The following C8orf34 variants were observed in gnomAD, a reference collection of about 807,000 sequenced individuals.
C8orf34 encodes uncharacterized protein C8orf34.
C8orf34 carries 65 observed loss-of-function variants against 68.3 expected under a neutral mutation model. The observed-to-expected ratio is 0.95, with a 90% confidence interval of 0.78 to 1.17. The LOEUF is 1.17. C8orf34 is among the 50% of genes most tolerant of loss of function. C8orf34 has a pLI of 0.00. For synonymous variants in C8orf34, 244 were observed against 241.2 expected (o/e 1.01, Z -0.11); for missense variants, 664 against 655.4 (o/e 1.01, Z -0.14).
At chr8:68,388,291 A>C (rs1808343317) in intron 1 of C8orf34, among the ~76,000 whole-genome samples, 1 of 152,160 alleles carries the variant, frequency 6.6e-6, no homozygotes, top group Non-Finnish European at 1.5e-5. Flanking sequence ...TAAGCTGTTT[A>C]GTCTCTGTGT....
chr8:68,394,022 G>T (rs1389336287), intron 1 of C8orf34, among the ~76,000 whole-genome samples: 1 of 152,054 alleles, frequency 6.6e-6, no homozygotes, highest in Non-Finnish European at 1.5e-5. Context: ...ACCTTTGGGG[G>T]CTTCGAGTGG....
At chr8:68,730,625 T>C (rs981156872) in intron 10 of C8orf34, among the ~76,000 whole-genome samples, 1 of 152,202 alleles carries the variant, frequency 6.6e-6, no homozygotes, top group African/African-American at 2.4e-5. Context: ...TAAAGTGTGA[T>C]CTAATAAATG....
intron 9 of C8orf34, among the ~76,000 whole-genome samples, chr8:68,709,687 C>T (rs561984617): frequency 1.3e-4 from 20 of 152,234 alleles, no homozygotes; most frequent in African/African-American, 4.8e-4. Flanking sequence ...TCTTGGCCCT[C>T]CTCGGACTAT....
At position 68,352,109 on chromosome 8, in the gene C8orf34, A is replaced by AT. The variant is rs139862460; in HGVS notation, c.327+20777dup. ...TGAATAACATTCCTTTCTCAGATAC[A>AT]TTTTTTTGCAAATATTTTCTCCTAC... On this transcript the variant is annotated intron_variant, in intron 1 of 13. Coordinates refer to ENST00000518698, the MANE Select transcript of C8orf34 (RefSeq NM_052958.4). Among the ~76,000 whole-genome samples the AT allele has an allele frequency of 2.9e-3, 433 of 151,794 alleles. 5 individuals carry two copies. Among genetic ancestry groups the AT allele is most frequent in the African/African-American group, 1.0e-2 (412 of 41,402 alleles).
At chr8:68,491,492 T>C (rs997732285) in intron 5 of C8orf34, among the ~76,000 whole-genome samples, 1 of 152,146 alleles carries the variant, frequency 6.6e-6, no homozygotes, top group Admixed American at 6.5e-5. Context: ...TTTTCAAGCT[T>C]CTAGGGCTGC....
chr8:68,440,953 C>T (rs995004598), intron 2 of C8orf34, among the ~76,000 whole-genome samples: 4 of 151,996 alleles, frequency 2.6e-5, no homozygotes, highest in South Asian at 2.1e-4. Flanking sequence ...TACAGGCACC[C>T]GCCACCATAC....
chr8:68,359,065 A>G (rs1462278800), intron 1 of C8orf34, among the ~76,000 whole-genome samples: 2 of 152,284 alleles, frequency 1.3e-5, no homozygotes, highest in Middle Eastern at 3.4e-3. Flanking sequence ...TATTTCTCTT[A>G]CCAAACATTA....
chr8:68,663,648 A>C (rs927740731), intron 8 of C8orf34, among the ~76,000 whole-genome samples: 2 of 152,228 alleles, frequency 1.3e-5, no homozygotes, highest in Non-Finnish European at 2.9e-5. Context: ...GTTTGAAATC[A>C]GGATACTTAG....
intron 3 of C8orf34, among the ~76,000 whole-genome samples, chr8:68,458,683 C>T (rs2129628471): frequency 6.6e-6 from 1 of 152,290 alleles, no homozygotes; most frequent in East Asian, 1.9e-4. Context: ...AACCTAGGTT[C>T]CTCCATAGGC....
chr8:68,747,674 T>A (rs375146258), intron 10 of C8orf34, among the ~76,000 whole-genome samples: 157 of 151,952 alleles, frequency 1.0e-3, no homozygotes, highest in African/African-American at 3.1e-3. Flanking sequence ...AATCCAACTT[T>A]CAAGGGATGT....
At chr8:68,709,128 A>C (rs371144113) in intron 9 of C8orf34, 49 bp downstream of exon 9, 1 of 1,389,820 alleles carries the variant, frequency 7.2e-7, no homozygotes, top group Non-Finnish European at 1.0e-6. Context: ...TGGCACTTAA[A>C]GATTAAAGAA....
intron 7 of C8orf34, among the ~76,000 whole-genome samples, chr8:68,596,265 A>G (rs2130465646): frequency 6.6e-6 from 1 of 152,188 alleles, no homozygotes; most frequent in Admixed American, 6.6e-5. Flanking sequence ...TGTGAGCTCA[A>G]CTACTACCCT....
intron 1 of C8orf34, among the ~76,000 whole-genome samples, chr8:68,386,352 A>G (rs1198990844): frequency 1.3e-5 from 2 of 152,238 alleles, no homozygotes; most frequent in Admixed American, 6.5e-5. Flanking sequence ...AATGACTAGC[A>G]TAATAAAAAA....
chr8:68,688,256 T>C (rs1429102775), intron 8 of C8orf34, among the ~76,000 whole-genome samples: 2 of 152,098 alleles, frequency 1.3e-5, no homozygotes, highest in African/African-American at 2.4e-5. Context: ...CACTACTGGG[T>C]ATCTATTCAA....
At chr8:68,672,887 G>A (rs754510995) in intron 8 of C8orf34, among the ~76,000 whole-genome samples, 10 of 152,174 alleles carry the variant, frequency 6.6e-5, no homozygotes, top group Non-Finnish European at 1.3e-4. Context: ...GGAGAGAAGA[G>A]GGAAGAATAA....
At chr8:68,565,096 C>T (rs148337228) in intron 7 of C8orf34, among the ~76,000 whole-genome samples, 45 of 152,182 alleles carry the variant, frequency 3.0e-4, no homozygotes, top group African/African-American at 1.0e-3. Flanking sequence ...TTTTTTTCCT[C>T]CTTAAGTTCT....
intron 10 of C8orf34, among the ~76,000 whole-genome samples, chr8:68,763,287 C>A (rs1018648287): frequency 6.6e-6 from 1 of 152,142 alleles, no homozygotes; most frequent in Non-Finnish European, 1.5e-5. Flanking sequence ...CCTTCCCTAA[C>A]TTTGTTTCCT....
intron 8 of C8orf34, among the ~76,000 whole-genome samples, chr8:68,687,936 A>G (rs1299843406): frequency 6.6e-6 from 1 of 152,006 alleles, no homozygotes; most frequent in Non-Finnish European, 1.5e-5. Flanking sequence ...AAGCAAAACA[A>G]AAAAATAATA....
rs1212777323 is a variant in C8orf34, at chr8:68,614,954, T to G, written c.1106-25422T>G. ...TGTTCTTCCATTTCTTTGTATCCTC[T>G]TTTATTTCATTGAGCAGTGGTTTGC... On this transcript the variant is annotated intron_variant, in intron 7 of 13. Transcript: ENST00000518698. Among the ~76,000 whole-genome samples, 3 of 152,300 alleles carry G rather than the reference T, an allele frequency of 2.0e-5. No individual in the cohort carries two copies. In the East Asian group the frequency reaches 5.8e-4, roughly 29 times the overall value.
Sources: gnomAD v4.1 joint callset for allele counts (sites outside exome capture counted in the v4.1 genomes callset) on GRCh38, gnomAD v4.1.1 for gene constraint, MANE v1.5 for transcripts, NCBI Gene and HGNC (gene_info 2026-07-23, HGNC 2026-07-21) for gene names.